The following MAP9 variants were observed in gnomAD, a reference collection of about 807,000 sequenced individuals.
MAP9 encodes the protein microtubule associated protein 9, also known as microtubule-associated protein 9.
Under a neutral mutation model 75.2 loss-of-function variants are expected in MAP9, and 80 were observed. That is an observed-to-expected ratio of 1.06 (90% CI 0.89 to 1.28). MAP9 has a LOEUF of 1.28. MAP9 is among the 50% of genes most tolerant of loss of function. The pLI is 0.00. For missense variants in MAP9, 753 were observed against 719.9 expected (o/e 1.05, Z -0.53); for synonymous variants, 235 against 237.3 (o/e 0.99, Z 0.09).
chr4:155,373,853 A>T (rs1732715478), intron 3 of MAP9, among the ~76,000 whole-genome samples: 1 of 152,194 alleles, frequency 6.6e-6, no homozygotes, highest in Non-Finnish European at 1.5e-5. Context: ...ACATTTGTAA[A>T]TGGAAGAATT....
rs1051507293 is a variant in MAP9, at chr4:155,346,082, C to G, written c.*1701G>C. On this transcript the variant is annotated 3_prime_UTR_variant, in exon 14 of 14. Coordinates refer to ENST00000311277, the MANE Select transcript of MAP9 (RefSeq NM_001039580.2). ...TATCTATGAAATTTCTCTTAATTGT[C>G]TATAGCACTGATACAATCTTACAAA... is the stretch of plus-strand genomic sequence containing the variant. 3.9e-5 allele frequency: 6 copies of G among 152,136 alleles called. No homozygotes were observed. Among genetic ancestry groups the G allele is most frequent in the African/African-American group, 1.4e-4 (6 of 41,440 alleles). The allele number at this position is 152,136 out of a possible 1,614,324, so 9.4% of individuals were successfully genotyped here.
intron 1 of MAP9, 107 bp from the exon 2 acceptor site, chr4:155,376,021 T>C (rs41280487): frequency 0.084 from 39,331 of 469,184 alleles, 2,003 homozygotes; most frequent in Non-Finnish European, 0.098. Context: ...GATATGAACA[T>C]TGGGCTACAT....
At chr4:155,369,343 AAC>A (rs200344456) in intron 4 of MAP9, among the ~76,000 whole-genome samples, 85 of 146,518 alleles carry the variant, frequency 5.8e-4, no homozygotes, top group Non-Finnish European at 9.6e-4. Context: ...AAAAAAAAAA[AAC>A]CAAACAACAA....
At chr4:155,369,267 G>T (rs1433843981) in intron 4 of MAP9, among the ~76,000 whole-genome samples, 1 of 149,132 alleles carries the variant, frequency 6.7e-6, no homozygotes, top group African/African-American at 2.5e-5. Flanking sequence ...AGGTTGCAGT[G>T]AGCCGAGATC....
At chr4:155,353,134 T>C (rs764458715) in intron 11 of MAP9, 45 bp downstream of exon 11, 5 of 1,543,268 alleles carry the variant, frequency 3.2e-6, no homozygotes, top group African/African-American at 1.4e-5. Flanking sequence ...TTAATTTGGA[T>C]TTCAAATGTT....
At position 155,353,179 on chromosome 4, in the gene MAP9, T is replaced by C. The variant is rs1286128390; in HGVS notation, c.1542A>G (p.Gln514=). ...TTAAGATGTGCAAAGTTCTGAATAC[T>C]TGTAGTGCTTCTCCTTTTCTTGCAG... ...ENAARKGEAL[Q]AFEKWKEKKM... The change falls in exon 11 of 14, where the codon CAA becomes CAG. Residue 514 remains glutamine, a splice_region_variant and synonymous_variant. Coordinates refer to ENST00000311277, the MANE Select transcript of MAP9 (RefSeq NM_001039580.2). The C allele has an allele frequency of 6.3e-7, 1 of 1,590,724 alleles. No homozygotes were observed. The highest frequency in any genetic ancestry group is 8.5e-7 in the Non-Finnish European group (1 of 1,171,818).
At chr4:155,350,092 G>A in intron 13 of MAP9, 1 of 257,482 alleles carries the variant, frequency 3.9e-6, no homozygotes, top group Non-Finnish European at 7.6e-6. Context: ...AGTCTTACCT[G>A]ATCTTTGGCT....
intron 5 of MAP9, among the ~76,000 whole-genome samples, chr4:155,367,849 C>A (rs17032904): frequency 0.062 from 9,519 of 152,332 alleles, 671 homozygotes; most frequent in African/African-American, 0.17. Context: ...AGCACCAACA[C>A]TGCAGACAAG....
chr4:155,368,782 T>C lies in MAP9; in HGVS notation c.512A>G (p.His171Arg), dbSNP rs757448765. ...AENNSLDTDD[H>R]FKPSPRPRSM... ...CCTTGGCCGAGGTGATGGTTTAAAGTGATCATCTGTGTCAAGGCTGTTGTT... is the reference window on the plus strand; with the variant it reads ...CCTTGGCCGAGGTGATGGTTTAAAGCGATCATCTGTGTCAAGGCTGTTGTT... Residue 171 changes from histidine to arginine, a missense_variant, in exon 5 of 14, where the codon CAC (histidine) becomes CGC (arginine). Physicochemically the swap from His to Arg is conservative, Grantham distance 29 (BLOSUM62 0). Coordinates refer to ENST00000311277, the MANE Select transcript of MAP9 (RefSeq NM_001039580.2). The C allele has an allele frequency of 2.5e-6, 4 of 1,612,600 alleles. No homozygotes were observed. The South Asian group carries it at 4.4e-5, about 18-fold the overall frequency.
At position 155,353,899 on chromosome 4, in the gene MAP9, C is replaced by T. The variant is rs377660158; in HGVS notation, c.1381-559G>A. Among the ~76,000 whole-genome samples the T allele has an allele frequency of 8.5e-5, 13 of 152,252 alleles. No homozygotes were observed. In the East Asian group the frequency reaches 2.5e-3, roughly 29 times the overall value. On this transcript the variant is annotated intron_variant, in intron 10 of 13. Coordinates refer to ENST00000311277, the MANE Select transcript of MAP9 (RefSeq NM_001039580.2). ...GAAAAATAGGTTGGAGACTGTATAGCAAGTTATGTTATTATTTTACTTCCT... is the reference window on the plus strand; with the variant it reads ...GAAAAATAGGTTGGAGACTGTATAGTAAGTTATGTTATTATTTTACTTCCT...
chr4:155,348,823 T>C (rs1254315715), intron 13 of MAP9, among the ~76,000 whole-genome samples: 1 of 152,198 alleles, frequency 6.6e-6, no homozygotes, highest in African/African-American at 2.4e-5. Context: ...TTGTGAGTCA[T>C]TTCTGATTGT....
intron 4 of MAP9, 25 bp from the exon 5 acceptor site, chr4:155,368,837 T>A: frequency 6.4e-7 from 1 of 1,567,816 alleles, no homozygotes; most frequent in South Asian, 1.2e-5. Context: ...GCTTAAAGTG[T>A]GTGTATAAAA....
At chr4:155,360,937 C>T (rs1049201022) in intron 6 of MAP9, 25 of 154,390 alleles carry the variant, frequency 1.6e-4, no homozygotes, top group Non-Finnish European at 2.6e-4. Context: ...AGTACTTCCT[C>T]TGATACCATA....
chr4:155,357,793 C>T (rs549128826), intron 7 of MAP9, among the ~76,000 whole-genome samples: 1 of 152,078 alleles, frequency 6.6e-6, no homozygotes, highest in Non-Finnish European at 1.5e-5. Flanking sequence ...TGAGGAGCTG[C>T]TTTAAAGAAG....
In MAP9 at chr4:155,346,783, C is replaced by T. The variant is rs1731301781; in HGVS notation, c.*1000G>A. 6.6e-6 allele frequency: 1 copy of T among 152,610 alleles called. No homozygotes were observed. The highest frequency in any genetic ancestry group is 1.5e-5 in the Non-Finnish European group (1 of 68,024). 9.5% of individuals were successfully genotyped at this position (152,610 alleles called of 1,614,324 possible). A position where few individuals can be genotyped will look rare whatever the true frequency, so the allele number is the denominator to read the frequency against. On this transcript the variant is annotated 3_prime_UTR_variant, in exon 14 of 14. Coordinates refer to ENST00000311277, the MANE Select transcript of MAP9 (RefSeq NM_001039580.2). ...TCAGCTCCGTGAGCATACACTTGGT[C>T]TGTCTTAAACCAGATGACCAGGTCA...
chr4:155,355,951 G>C, intron 8 of MAP9, 67 bp from the exon 9 acceptor site: 1 of 1,353,818 alleles, frequency 7.4e-7, no homozygotes, highest in Non-Finnish European at 1.0e-6. Context: ...AGATCTGTTA[G>C]AATATGCACG....
chr4:155,364,378 A>C (rs1212125008), intron 5 of MAP9, among the ~76,000 whole-genome samples: 1 of 151,128 alleles, frequency 6.6e-6, no homozygotes, highest in Non-Finnish European at 1.5e-5. Flanking sequence ...TGGTAATCTG[A>C]ATCTACAGGA....
At chr4:155,370,394 T>C (rs1732540362) in intron 4 of MAP9, among the ~76,000 whole-genome samples, 1 of 152,124 alleles carries the variant, frequency 6.6e-6, no homozygotes, top group African/African-American at 2.4e-5. Flanking sequence ...ATAAAACGGA[T>C]TTTATGGTTT....
In MAP9 at chr4:155,375,731, T is replaced by C. The variant is rs780303997; in HGVS notation, c.75+45A>G. 6 of 1,211,376 alleles carry C rather than the reference T, an allele frequency of 5.0e-6. No homozygotes were observed. The South Asian group carries it at 7.5e-5, about 15-fold the overall frequency. The allele number at this position is 1,211,376 out of a possible 1,614,324, so 75.0% of individuals were successfully genotyped here. A position where few individuals can be genotyped will look rare whatever the true frequency, so the allele number is the denominator to read the frequency against. On this transcript the variant is annotated intron_variant, in intron 2 of 13. Transcript: ENST00000311277. ...GAATCACCAATTTCAACCCATCTAA[T>C]ACAGTGTTTACACTGTGAAATGATT... is the stretch of plus-strand genomic sequence containing the variant.
Sources: allele counts gnomAD v4.1 joint callset (sites outside exome capture counted in the v4.1 genomes callset), GRCh38; gene constraint gnomAD v4.1.1; transcripts MANE v1.5; gene names NCBI Gene and HGNC (gene_info 2026-07-23, HGNC 2026-07-21).